FAM228B: variants seen among roughly 807,000 people sequenced by gnomAD.
FAM228B encodes the protein protein FAM228B.
In FAM228B, 38 loss-of-function variants were observed where a neutral mutation model predicts 42.6. That is an observed-to-expected ratio of 0.89 (90% CI 0.69 to 1.17). The LOEUF (loss-of-function observed/expected upper bound fraction) is 1.17. FAM228B is among the 50% of genes most tolerant of loss of function. FAM228B has a pLI of 0.00. For synonymous variants in FAM228B, 109 were observed against 122.3 expected, an observed-to-expected ratio of 0.89 and a Z score of 0.72; for missense variants, 344 against 367.3, an observed-to-expected ratio of 0.94 and a Z score of 0.52.
chr2:24,161,967 T>C (rs1667297316), intron 8 of FAM228B, among the ~76,000 whole-genome samples: 1 of 152,132 alleles, frequency 6.6e-6, no homozygotes, highest in African/African-American at 2.4e-5. Flanking sequence ...GGCGTGGTGG[T>C]GGGCAACTAT....
intron 8 of FAM228B, among the ~76,000 whole-genome samples, chr2:24,163,699 C>T (rs1667333996): frequency 1.3e-5 from 2 of 152,136 alleles, no homozygotes; most frequent in Non-Finnish European, 2.9e-5. Flanking sequence ...ATTTTGTTCT[C>T]AAATACATCT....
chr2:24,077,426 GCCACCC>G lies in FAM228B; in HGVS notation c.-290+458_-290+463del. The G allele has an allele frequency of 1.1e-6, 1 of 944,080 alleles. No individual in the cohort carries two copies. 58.5% of individuals were successfully genotyped at this position (944,080 alleles called of 1,614,324 possible). On this transcript the variant is annotated intron_variant, in intron 1 of 10. Coordinates refer to the FAM228B transcript ENST00000613899. This position sits in a 1 kb window ranked among gnomAD's most constrained non-coding sequence, Gnocchi z 5.5. ...CCGCCGCGGCGGCCCCAGTCCGCGTGCCACCCTTCCAGTTCACTCTTTATTTCCTCA... is the reference window on the plus strand; with the variant it reads ...CCGCCGCGGCGGCCCCAGTCCGCGTGTTCCAGTTCACTCTTTATTTCCTCA...
At chr2:24,146,856 A>T (rs1666906589) in intron 6 of FAM228B, 21 bp downstream of exon 6, 1 of 1,539,874 alleles carries the variant, frequency 6.5e-7, no homozygotes, top group Admixed American at 2.0e-5. Flanking sequence ...CCTAATTGTT[A>T]TGTGATTTCA....
chr2:24,168,245 T>TG (rs889013904), intron 10 of FAM228B, among the ~76,000 whole-genome samples: 2 of 152,110 alleles, frequency 1.3e-5, no homozygotes, highest in Non-Finnish European at 2.9e-5. Flanking sequence ...TGCAATCACC[T>TG]GGGGGTGAGT....
chr2:24,121,861 A>C (rs970598661), upstream of FAM228B, among the ~76,000 whole-genome samples: 3 of 152,182 alleles, frequency 2.0e-5, no homozygotes, highest in African/African-American at 7.2e-5. Flanking sequence ...CATGAGTGGA[A>C]GCAGCCTGAG....
At chr2:24,145,837 C>T (rs1182922535) in intron 5 of FAM228B, among the ~76,000 whole-genome samples, 4 of 151,622 alleles carry the variant, frequency 2.6e-5, no homozygotes, top group African/African-American at 4.8e-5. Flanking sequence ...TATAGGCGCC[C>T]GCCACCACGC....
chr2:24,088,722 A>G (rs1002581897), intron 2 of FAM228B, among the ~76,000 whole-genome samples: 20 of 152,364 alleles, frequency 1.3e-4, no homozygotes, highest in Middle Eastern at 3.4e-3. Context: ...CTAGCAAATT[A>G]TCAAATCCAA....
intron 7 of FAM228B, among the ~76,000 whole-genome samples, chr2:24,147,774 C>A (rs997405313): frequency 2.0e-5 from 3 of 152,176 alleles, no homozygotes; most frequent in Non-Finnish European, 4.4e-5. Flanking sequence ...TCTGTTCATG[C>A]ATGTTGTCCA....
At position 24,077,478 on chromosome 2, in the gene FAM228B, G is replaced by T; in HGVS notation, c.-290+509G>T. 7.3e-7 allele frequency: 1 copy of T among 1,365,570 alleles called. No homozygotes were observed. The highest frequency in any genetic ancestry group is 9.8e-7 in the Non-Finnish European group (1 of 1,020,538). The allele number at this position is 1,365,570 out of a possible 1,614,324, so 84.6% of individuals were successfully genotyped here. ...CCTCATATCAGCTTTAAACGGCTCT[G>T]GAGGAAGCACCGGGTTTCTTGGCCT... is the stretch of plus-strand genomic sequence containing the variant. On this transcript the variant is annotated intron_variant, in intron 1 of 10. Coordinates refer to the FAM228B transcript ENST00000613899. The surrounding 1 kb of genome is among the most constrained non-coding windows in gnomAD (Gnocchi z 5.5).
chr2:24,153,987 A>G (rs953607505), intron 7 of FAM228B, among the ~76,000 whole-genome samples: 1 of 152,164 alleles, frequency 6.6e-6, no homozygotes, highest in Non-Finnish European at 1.5e-5. Context: ...ACAGGGCAGA[A>G]CCGAATTCAG....
intron 2 of FAM228B, among the ~76,000 whole-genome samples, chr2:24,088,967 G>A (rs990259860): frequency 6.6e-6 from 1 of 152,228 alleles, no homozygotes; most frequent in African/African-American, 2.4e-5. Flanking sequence ...TGTCAGAAAC[G>A]AAGTGTTCTG....
intron 2 of FAM228B, among the ~76,000 whole-genome samples, chr2:24,089,775 G>C (rs532051932): frequency 6.6e-6 from 1 of 152,114 alleles, no homozygotes; most frequent in Non-Finnish European, 1.5e-5. Flanking sequence ...TGCAGCAAAG[G>C]CTTGTTAATA....
At chr2:24,126,364 T>C (rs1666308327) in intron 2 of FAM228B, among the ~76,000 whole-genome samples, 1 of 152,230 alleles carries the variant, frequency 6.6e-6, no homozygotes, top group Non-Finnish European at 1.5e-5. Flanking sequence ...TTGTATGGCC[T>C]TTTTAACTCA....
intron 7 of FAM228B, among the ~76,000 whole-genome samples, chr2:24,154,637 G>C (rs1286359757): frequency 6.6e-6 from 1 of 152,208 alleles, no homozygotes; most frequent in Non-Finnish European, 1.5e-5. Flanking sequence ...AGAGGAAAAA[G>C]AGAAGAAGCC....
chr2:24,092,469 G>A (rs1034348176), intron 2 of FAM228B, among the ~76,000 whole-genome samples: 3 of 148,468 alleles, frequency 2.0e-5, no homozygotes, highest in Non-Finnish European at 4.5e-5. Context: ...CCAGCTATTC[G>A]GGAGGCGGGG....
chr2:24,084,072 G>C lies in FAM228B; in HGVS notation c.-210+3117G>C. 7.0e-7 allele frequency: 1 copy of C among 1,421,660 alleles called. No individual in the cohort carries two copies. The highest frequency in any genetic ancestry group is 9.2e-7 in the Non-Finnish European group (1 of 1,083,300). 88.1% of individuals were successfully genotyped at this position (1,421,660 alleles called of 1,614,324 possible). A position where few individuals can be genotyped will look rare whatever the true frequency, so the allele number is the denominator to read the frequency against. ...TTTAGGTCTGGGAAGCCCCAGCGCA[G>C]CTGCCTGCTGGGTGTGGAGCGGTGC... is the stretch of plus-strand genomic sequence containing the variant. On this transcript the variant is annotated intron_variant, in intron 2 of 10. Coordinates refer to the FAM228B transcript ENST00000613899. This position sits in a 1 kb window ranked among gnomAD's most constrained non-coding sequence, Gnocchi z 8.4.
chr2:24,110,816 A>G (rs774053041), intron 3 of FAM228B, among the ~76,000 whole-genome samples: 4 of 152,150 alleles, frequency 2.6e-5, no homozygotes, highest in Non-Finnish European at 4.4e-5. Context: ...TAGTGCGGGT[A>G]GCCTGGGGAC....
chr2:24,113,389 A>G (rs1324157532), intron 3 of FAM228B, among the ~76,000 whole-genome samples: 2 of 152,152 alleles, frequency 1.3e-5, no homozygotes, highest in Non-Finnish European at 2.9e-5. Context: ...CCTGTGCAAC[A>G]TGGTGAGACC....
In FAM228B at chr2:24,084,350, GCAGGGCAGGACAGGA is replaced by G. The variant is rs753674306; in HGVS notation, c.-210+3405_-210+3419del. 10 of 1,399,502 alleles carry G rather than the reference GCAGGGCAGGACAGGA, an allele frequency of 7.1e-6. No homozygotes were observed. The Admixed American group carries it at 9.0e-5, about 13-fold the overall frequency. 86.7% of individuals were successfully genotyped at this position (1,399,502 alleles called of 1,614,324 possible). On this transcript the variant is annotated intron_variant, in intron 2 of 10. Transcript: ENST00000613899. This position sits in a 1 kb window ranked among gnomAD's most constrained non-coding sequence, Gnocchi z 8.4. ...ATATTGTCTGAGGACACAGGGCAGG[GCAGGGCAGGACAGGA>G]CAGGGCAGGGCAGGGCAGGACAGGA...
Sources: gnomAD v4.1 joint callset for allele counts (sites outside exome capture counted in the v4.1 genomes callset) on GRCh38, gnomAD v4.1.1 for gene constraint, Gnocchi (gnomAD v3.1) non-coding constraint, MANE v1.5 for transcripts, NCBI Gene and HGNC (gene_info 2026-07-23, HGNC 2026-07-21) for gene names.